LRBA: variants seen among roughly 807,000 people sequenced by gnomAD.
LRBA encodes the protein lipopolysaccharide-responsive and beige-like anchor protein.
A neutral mutation model predicts 330.0 loss-of-function variants in LRBA; 176 were observed. The ratio of observed to expected loss-of-function variants is 0.53; its 90% CI spans 0.47 to 0.60. The LOEUF (loss-of-function observed/expected upper bound fraction) is 0.60. Among genes scored for constraint, LRBA ranks in the 20% least tolerant of loss-of-function variants. The pLI is 0.00. For missense variants in LRBA, 3,259 were observed against 3,444.8 expected (o/e 0.95, Z 1.35); for synonymous variants, 1,230 against 1,193.0 (o/e 1.03, Z -0.64).
intron 37 of LRBA, among the ~76,000 whole-genome samples, chr4:150,646,191 TAGAACC>T (rs1424799030): frequency 6.6e-6 from 1 of 151,978 alleles, no homozygotes; most frequent in Non-Finnish European, 1.5e-5. Flanking sequence ...ATTTTTATGG[TAGAACC>T]AATAAAATTT....
intron 44 of LRBA, among the ~76,000 whole-genome samples, chr4:150,447,456 T>G (rs1752753493): frequency 6.6e-6 from 1 of 152,134 alleles, no homozygotes; most frequent in Admixed American, 6.6e-5. Context: ...AGACAGCTCA[T>G]CTCATCTTTT....
chr4:150,341,031 C>T (rs186782106), intron 48 of LRBA, among the ~76,000 whole-genome samples: 1 of 152,264 alleles, frequency 6.6e-6, no homozygotes, highest in Non-Finnish European at 1.5e-5. Flanking sequence ...GGAAAGTGGA[C>T]TGTAGGTAGG....
intron 22 of LRBA, among the ~76,000 whole-genome samples, chr4:150,860,051 G>C (rs1013644544): frequency 6.6e-6 from 1 of 152,096 alleles, no homozygotes; most frequent in African/African-American, 2.4e-5. Flanking sequence ...ATAATGACTT[G>C]AAGAGCCTTA....
chr4:150,486,965 T>C (rs758134358), intron 42 of LRBA, among the ~76,000 whole-genome samples: 1 of 151,870 alleles, frequency 6.6e-6, no homozygotes, highest in Non-Finnish European at 1.5e-5. Context: ...GATAACAAGA[T>C]TTCCTTCTTT....
At chr4:150,575,100 T>C (rs1400930530) in intron 40 of LRBA, among the ~76,000 whole-genome samples, 1 of 151,982 alleles carries the variant, frequency 6.6e-6, no homozygotes, top group African/African-American at 2.4e-5. Context: ...AAGGAAAAAT[T>C]CAGGAAAGAG....
At chr4:150,835,551 T>G (rs1024429972) in intron 28 of LRBA, among the ~76,000 whole-genome samples, 13 of 152,200 alleles carry the variant, frequency 8.5e-5, no homozygotes, top group Admixed American at 7.2e-4. Flanking sequence ...CTAGGTATTT[T>G]ATTTTTTTTG....
chr4:150,913,024 G>A (rs1732184530), intron 9 of LRBA, among the ~76,000 whole-genome samples: 2 of 152,102 alleles, frequency 1.3e-5, no homozygotes, highest in African/African-American at 4.8e-5. Flanking sequence ...AAAACTTGGT[G>A]GACTTTCCAG....
At chr4:150,775,485 ACACACACACACACAC>A (rs1442370321) in intron 34 of LRBA, among the ~76,000 whole-genome samples, 10,752 of 150,036 alleles carry the variant, frequency 0.072, 718 homozygotes, top group African/African-American at 0.16. Flanking sequence ...ACACACACAC[ACACACACACACACAC>A]ACAGTGATTG....
intron 40 of LRBA, among the ~76,000 whole-genome samples, chr4:150,577,783 C>T (rs1186467171): frequency 6.6e-6 from 1 of 152,018 alleles, no homozygotes; most frequent in Admixed American, 6.5e-5. Flanking sequence ...AATGCACTGA[C>T]GTTAACTCAG....
At chr4:150,716,947 C>G (rs1728277622) in intron 36 of LRBA, among the ~76,000 whole-genome samples, 1 of 152,202 alleles carries the variant, frequency 6.6e-6, no homozygotes, top group African/African-American at 2.4e-5. Flanking sequence ...AAATCACATT[C>G]TCTCAATCTA....
At chr4:150,569,240 A>C (rs922108491) in intron 40 of LRBA, among the ~76,000 whole-genome samples, 1 of 152,130 alleles carries the variant, frequency 6.6e-6, no homozygotes, top group African/African-American at 2.4e-5. Context: ...ATAGAAGGAC[A>C]AACAGGTAGT....
In LRBA at chr4:150,744,369, G is replaced by A. The variant is rs556442691; in HGVS notation, c.5646-9003C>T. Among the ~76,000 whole-genome samples the A allele has an allele frequency of 3.3e-5, 5 of 152,214 alleles. No individual in the cohort carries two copies. In the South Asian group the frequency reaches 8.3e-4, roughly 25 times the overall value. On this transcript the variant is annotated intron_variant, in intron 35 of 56. Coordinates refer to ENST00000651943, the MANE Select transcript of LRBA (RefSeq NM_001364905.1). The stretch of plus-strand genomic sequence containing the variant: ...AACAAGTAACCTCAAAGTTATTCTA[G>A]TCTCTTCCCTCTTCTCTACCACCTT...
intron 40 of LRBA, among the ~76,000 whole-genome samples, chr4:150,531,918 T>G (rs1461139003): frequency 6.6e-6 from 1 of 152,202 alleles, no homozygotes; most frequent in Non-Finnish European, 1.5e-5. Context: ...ACCTCTACCA[T>G]GCGTATCATT....
At chr4:150,868,535 A>T (rs1753024105) in intron 20 of LRBA, among the ~76,000 whole-genome samples, 1 of 152,220 alleles carries the variant, frequency 6.6e-6, no homozygotes, top group African/African-American at 2.4e-5. Context: ...GTGCAAAAAT[A>T]AAGCTGAACT....
chr4:150,522,621 T>C (rs967158919), intron 40 of LRBA, among the ~76,000 whole-genome samples: 1 of 152,084 alleles, frequency 6.6e-6, no homozygotes, highest in Non-Finnish European at 1.5e-5. Context: ...CCAGCACAGC[T>C]CAAGTCTCCG....
chr4:150,628,491 G>A (rs1297728702), intron 37 of LRBA, among the ~76,000 whole-genome samples: 5 of 152,120 alleles, frequency 3.3e-5, no homozygotes, highest in Non-Finnish European at 7.4e-5. Context: ...TAATGTATAT[G>A]TTATACCAAC....
chr4:150,371,652 A>C (rs1322594734), intron 47 of LRBA, among the ~76,000 whole-genome samples: 1 of 152,076 alleles, frequency 6.6e-6, no homozygotes, highest in African/African-American at 2.4e-5. Flanking sequence ...GTACATGGAA[A>C]GCAGAGAGCT....
intron 46 of LRBA, among the ~76,000 whole-genome samples, chr4:150,419,481 A>G (rs1748277560): frequency 1.3e-5 from 2 of 152,214 alleles, no homozygotes; most frequent in South Asian, 4.1e-4. Flanking sequence ...TGCCCTACCA[A>G]TCTAATAACT....
chr4:150,367,991 A>AAATAGTATATTACTGT (rs1387257688), intron 47 of LRBA, among the ~76,000 whole-genome samples: 3 of 152,228 alleles, frequency 2.0e-5, no homozygotes, highest in Non-Finnish European at 2.9e-5. Context: ...ATAGACTAAG[A>AAATAGTATATTACTGT]AATAGTATAT....
Sources: gnomAD v4.1 joint callset for allele counts (sites outside exome capture counted in the v4.1 genomes callset) on GRCh38, gnomAD v4.1.1 for gene constraint, MANE v1.5 for transcripts, NCBI Gene and HGNC (gene_info 2026-07-23, HGNC 2026-07-21) for gene names.